Variants in CDH26 observed in about 807,000 individuals in gnomAD.
CDH26 encodes the protein cadherin 26.
CDH26 carries 83 observed loss-of-function variants against 90.3 expected under a neutral mutation model. The ratio of observed to expected loss-of-function variants is 0.92; its 90% confidence interval spans 0.77 to 1.10. The LOEUF is 1.10. Ranked by LOEUF, CDH26 falls within the 50% of genes least tolerant of loss-of-function variation. The pLI, the probability that CDH26 is intolerant of heterozygous loss-of-function variation, is 0.00. For missense variants in CDH26, 1,013 were observed against 1,037.6 expected, an observed-to-expected ratio of 0.98 and a Z score of 0.33; for synonymous variants, 397 against 396.3, an observed-to-expected ratio of 1.00 and a Z score of -0.02.
chr20:59,974,517 A>T (rs1480741071), intron 4 of CDH26, among the ~76,000 whole-genome samples: 1 of 152,186 alleles, frequency 6.6e-6, no homozygotes, highest in Non-Finnish European at 1.5e-5. Flanking sequence ...CATCACAGAT[A>T]GATCCTAGGC....
At position 59,984,648 on chromosome 20, in the gene CDH26, T is replaced by C. The variant is rs1041195048; in HGVS notation, c.551T>C (p.Ile184Thr). ...VQENQSAGQPIFQMLAVDLDE... is the reference protein window; with the variant it reads ...VQENQSAGQPTFQMLAVDLDE... ...TAAAAATTCTTTCTAGGGCAACCTA[T>C]TTTTCAGATGTTAGCAGTCGATTTG... The change falls in exon 6 of 18, where the codon ATT becomes ACT. Residue 184 changes from isoleucine (I) to threonine (T), a missense_variant. Coordinates refer to ENST00000348616, the MANE Select transcript of CDH26 (RefSeq NM_177980.4). 6 of 1,607,928 alleles carry C rather than the reference T, an allele frequency of 3.7e-6. No homozygotes were observed. The highest frequency in any genetic ancestry group is 5.1e-6 in the Non-Finnish European group (6 of 1,178,394).
At chr20:60,033,688 G>A (rs2122804190) in exon 9 of CDH26, 2 of 1,300,426 alleles carry the variant, frequency 1.5e-6, no homozygotes, top group East Asian at 5.6e-5. Flanking sequence ...CAGAGAGTAC[G>A]GTGGAGGGGC....
intron 9 of CDH26, 144 bp downstream of exon 9, chr20:59,989,307 T>C (rs2061498376): frequency 1.0e-6 from 1 of 999,416 alleles, no homozygotes; most frequent in South Asian, 1.6e-5. Context: ...GGCGGGTGGA[T>C]CATGAGGTCA....
intron 15 of CDH26, among the ~76,000 whole-genome samples, chr20:60,002,169 T>C (rs927829098): frequency 3.3e-5 from 5 of 152,180 alleles, no homozygotes; most frequent in Non-Finnish European, 7.4e-5. Context: ...TAAAATAAAT[T>C]CAAGATCTCT....
chr20:60,007,835 G>GT (rs2061774040), intron 17 of CDH26, among the ~76,000 whole-genome samples: 1 of 152,056 alleles, frequency 6.6e-6, no homozygotes, highest in Non-Finnish European at 1.5e-5. Context: ...CAGAATGAAG[G>GT]GTCTTTTCCT....
At chr20:60,018,988 A>G (rs2061930730), downstream of CDH26, among the ~76,000 whole-genome samples, 1 of 152,032 alleles carries the variant, frequency 6.6e-6, no homozygotes, top group African/African-American at 2.4e-5. Flanking sequence ...TTGGTATAAT[A>G]TTATAGTCTG....
chr20:59,972,473 G>C (rs971417392), intron 4 of CDH26, among the ~76,000 whole-genome samples: 1 of 152,120 alleles, frequency 6.6e-6, no homozygotes, highest in Non-Finnish European at 1.5e-5. Context: ...GAAATATGGA[G>C]ACAAGCCATA....
chr20:59,984,159 C>CT (rs1227056227), intron 5 of CDH26, among the ~76,000 whole-genome samples: 17 of 152,198 alleles, frequency 1.1e-4, no homozygotes, highest in Non-Finnish European at 2.4e-4. Context: ...TGTTGTTGGT[C>CT]TTTGATAACT....
Position 60,013,015 on chromosome 20 carries a change from G to A in CDH26, c.*285G>A, listed in dbSNP as rs979136860. The A allele has an allele frequency of 3.5e-6, 1 of 284,864 alleles. No individual in the cohort carries two copies. The highest frequency in any genetic ancestry group is 2.2e-5 in the African/African-American group (1 of 45,102). 17.6% of individuals were successfully genotyped at this position (284,864 alleles called of 1,614,324 possible). On this transcript the variant is annotated 3_prime_UTR_variant, in exon 18 of 18. Coordinates refer to ENST00000348616, the MANE Select transcript of CDH26 (RefSeq NM_177980.4). ...ATTCTTAGCTTCCACTGGCAGCCTA[G>A]CTTTGAGGGTAAATGAAAATATAAC...
intron 1 of CDH26, among the ~76,000 whole-genome samples, chr20:59,967,462 G>A (rs2061164385): frequency 6.6e-6 from 1 of 152,138 alleles, no homozygotes; most frequent in African/African-American, 2.4e-5. Flanking sequence ...AAGAATCTTA[G>A]TGCTAAATTG....
In CDH26 at chr20:59,969,993, G is replaced by A. The variant is rs1283907171; in HGVS notation, c.127-89G>A. The A allele has an allele frequency of 1.2e-5, 18 of 1,519,988 alleles. No homozygotes were observed. The African/African-American group carries it at 2.4e-4, about 20-fold the overall frequency. The allele number at this position is 1,519,988 out of a possible 1,614,324, so 94.2% of individuals were successfully genotyped here. A position where few individuals can be genotyped will look rare whatever the true frequency, so the allele number is the denominator to read the frequency against. On this transcript the variant is annotated intron_variant, in intron 2 of 17. Coordinates refer to ENST00000348616, the MANE Select transcript of CDH26 (RefSeq NM_177980.4). ...AGAATGCAGGCCAGGTGTCAGCACA[G>A]GGCCTTTACATGAAGTAAGGGTGTG... is the stretch of plus-strand genomic sequence containing the variant.
intron 9 of CDH26, among the ~76,000 whole-genome samples, chr20:59,990,464 C>T (rs1285443909): frequency 6.6e-6 from 1 of 152,180 alleles, no homozygotes; most frequent in Non-Finnish European, 1.5e-5. Flanking sequence ...CTCGTGCTTA[C>T]TTGGCCTTGG....
chr20:60,014,296 C>A lies in CDH26; in HGVS notation c.*1566C>A, dbSNP rs1018160254. The A allele has an allele frequency of 6.6e-6, 1 of 152,032 alleles. No homozygotes were observed. The highest frequency in any genetic ancestry group is 2.1e-4 in the South Asian group (1 of 4,828). The allele number at this position is 152,032 out of a possible 1,614,324, so 9.4% of individuals were successfully genotyped here. On this transcript the variant is annotated 3_prime_UTR_variant, in exon 18 of 18. Coordinates refer to ENST00000348616, the MANE Select transcript of CDH26 (RefSeq NM_177980.4). The stretch of plus-strand genomic sequence containing the variant: ...CATTTTTCATTTCTTTGTATTGGTA[C>A]GGAGCATTCAATATCCATCCCCCTT...
rs765313073 is a variant in CDH26, at chr20:59,987,658, A to C, written c.1023+20A>C. ...ATCAAGGTAACACCATACCGGTGAC[A>C]TACCAACCAGTTAGTGGCAGACGCT... On this transcript the variant is annotated intron_variant, in intron 8 of 17. Coordinates refer to ENST00000348616, the MANE Select transcript of CDH26 (RefSeq NM_177980.4). The C allele has an allele frequency of 1.9e-6, 3 of 1,585,586 alleles. No homozygotes were observed. Among genetic ancestry groups the C allele is most frequent in the Non-Finnish European group, 2.6e-6 (3 of 1,164,668 alleles).
intron 17 of CDH26, among the ~76,000 whole-genome samples, chr20:60,010,095 G>A (rs1157628387): frequency 6.6e-6 from 1 of 152,118 alleles, no homozygotes; most frequent in African/African-American, 2.4e-5. Context: ...GACTGGGGCG[G>A]GGAGACAGCA....
At chr20:60,021,918 C>CT (rs2061961822) in intron 7 of CDH26, among the ~76,000 whole-genome samples, 2 of 33,128 alleles carry the variant, frequency 6.0e-5, no homozygotes, top group Non-Finnish European at 7.8e-5. Flanking sequence ...ATATATATAT[C>CT]CTGACTATTT....
chr20:60,005,893 C>T (rs975151015), intron 16 of CDH26, among the ~76,000 whole-genome samples: 6 of 152,178 alleles, frequency 3.9e-5, no homozygotes, highest in African/African-American at 1.4e-4. Flanking sequence ...CTAACCATCC[C>T]AGCACCCCAC....
chr20:60,009,533 G>T (rs920937954), intron 17 of CDH26, among the ~76,000 whole-genome samples: 1 of 152,200 alleles, frequency 6.6e-6, no homozygotes, highest in African/African-American at 2.4e-5. Flanking sequence ...AGAGGGACGT[G>T]TTCCAGCCGC....
At chr20:60,009,897 A>G (rs1475488089) in intron 17 of CDH26, among the ~76,000 whole-genome samples, 1 of 152,148 alleles carries the variant, frequency 6.6e-6, no homozygotes, top group Non-Finnish European at 1.5e-5. Flanking sequence ...CCTAACACGT[A>G]GGCCAGAGCT....
Sources: allele counts gnomAD v4.1 joint callset (sites outside exome capture counted in the v4.1 genomes callset), GRCh38; gene constraint gnomAD v4.1.1; transcripts MANE v1.5; gene names NCBI Gene and HGNC (gene_info 2026-07-23, HGNC 2026-07-21).